LBH: variants seen among roughly 807,000 people sequenced by gnomAD.
LBH encodes protein LBH.
In LBH, 7 loss-of-function variants were observed where a neutral mutation model predicts 12.5. That is an observed-to-expected ratio of 0.56 (90% CI 0.32 to 1.05). LBH has a LOEUF of 1.05. Among genes scored for constraint, LBH ranks in the 50% least tolerant of loss-of-function variants. The probability of loss-of-function intolerance (pLI) is 0.04; values close to 1 mark genes in which losing one functional copy is unlikely to be tolerated. For synonymous variants in LBH, 51 were observed against 50.1 expected, an observed-to-expected ratio of 1.02 and a Z score of -0.08; for missense variants, 119 against 138.9, an observed-to-expected ratio of 0.86 and a Z score of 0.72.
chr2:30,256,033 A>G (rs559074407), intron 2 of LBH, among the ~76,000 whole-genome samples: 2 of 152,330 alleles, frequency 1.3e-5, no homozygotes, highest in Admixed American at 1.3e-4. Flanking sequence ...CTGGGAGCCC[A>G]GCATCCCAGA....
At chr2:30,238,352 C>G (rs1677725981) in intron 2 of LBH, among the ~76,000 whole-genome samples, 1 of 152,252 alleles carries the variant, frequency 6.6e-6, no homozygotes, top group South Asian at 2.1e-4. Context: ...CCTTCTAAAG[C>G]ACCTGGACCA....
chr2:30,251,880 G>A (rs1036429015), intron 2 of LBH, among the ~76,000 whole-genome samples: 17 of 152,196 alleles, frequency 1.1e-4, no homozygotes, highest in Admixed American at 2.6e-4. Context: ...AGCCCAGGGC[G>A]TTTGTTTGGC....
At chr2:30,243,804 C>T (rs1274867369) in intron 2 of LBH, among the ~76,000 whole-genome samples, 4 of 152,000 alleles carry the variant, frequency 2.6e-5, no homozygotes, top group African/African-American at 9.7e-5. Context: ...GCTGGGATTA[C>T]AGACGTGAGC....
Position 30,257,790 on chromosome 2 carries a change from CT to C in LBH, c.*182del, listed in dbSNP as rs113721073. 35,477 of 389,788 alleles carry C rather than the reference CT, an allele frequency of 0.091. No individual in the cohort carries two copies. The highest frequency in any genetic ancestry group is 0.15 in the South Asian group (3,722 of 24,386). 24.1% of individuals were successfully genotyped at this position (389,788 alleles called of 1,614,324 possible). A position where few individuals can be genotyped will look rare whatever the true frequency, so the allele number is the denominator to read the frequency against. On this transcript the variant is annotated 3_prime_UTR_variant, in exon 3 of 3. Coordinates refer to ENST00000395323, the MANE Select transcript of LBH (RefSeq NM_030915.4). The stretch of plus-strand genomic sequence containing the variant: ...AGTTGGTTTTCTTTTCTTTTCTTGC[CT>C]TTTTTTTTTTTTGAAATTTGCCGAG...
At chr2:30,257,316 G>T in intron 2 of LBH, 117 bp from the exon 3 acceptor site, 1 of 1,141,618 alleles carries the variant, frequency 8.8e-7, no homozygotes, top group Non-Finnish European at 1.3e-6. Context: ...CGAGTGCAAA[G>T]CACAGTCCCT....
intron 2 of LBH, among the ~76,000 whole-genome samples, chr2:30,248,731 T>C (rs1425533310): frequency 6.6e-5 from 10 of 152,196 alleles, no homozygotes; most frequent in African/African-American, 1.2e-4. Flanking sequence ...AAAAGTTCTC[T>C]AACATTCCAA....
intron 1 of LBH, chr2:30,233,246 T>G (rs536819213): frequency 6.6e-6 from 1 of 152,282 alleles, no homozygotes; most frequent in African/African-American, 2.4e-5. Flanking sequence ...GCCCTTAACC[T>G]AACTGTGAGG....
intron 2 of LBH, among the ~76,000 whole-genome samples, chr2:30,242,523 G>C (rs929704728): frequency 1.3e-5 from 2 of 152,104 alleles, no homozygotes; most frequent in African/African-American, 4.8e-5. Context: ...GATTACAGGC[G>C]TGAGCCACCA....
rs1678124262 is a variant in LBH, at chr2:30,258,435, G to A, written c.*814G>A. 1 of 152,306 alleles carries A rather than the reference G, an allele frequency of 6.6e-6. No homozygotes were observed. Among genetic ancestry groups the A allele is most frequent in the Admixed American group, 6.5e-5 (1 of 15,290 alleles). 9.4% of individuals were successfully genotyped at this position (152,306 alleles called of 1,614,324 possible). The stretch of plus-strand genomic sequence containing the variant: ...TGCTTCCCAGCACTTTTTAGGAGTA[G>A]TGAGAGCACTTCCTGCCCTTGTTGG... On this transcript the variant is annotated 3_prime_UTR_variant, in exon 3 of 3. Coordinates refer to ENST00000395323, the MANE Select transcript of LBH (RefSeq NM_030915.4).
At chr2:30,232,926 C>G (rs1316866930) in intron 1 of LBH, 1 of 152,378 alleles carries the variant, frequency 6.6e-6, no homozygotes, top group Non-Finnish European at 1.5e-5. Flanking sequence ...CTGCCCCCAT[C>G]CGTCCCAGCC....
At chr2:30,244,581 C>T (rs191740475) in intron 2 of LBH, among the ~76,000 whole-genome samples, 13 of 152,184 alleles carry the variant, frequency 8.5e-5, no homozygotes, top group Admixed American at 3.9e-4. Context: ...GAGAACCTGT[C>T]GCAATTCAAC....
chr2:30,256,715 G>A (rs896903695), intron 2 of LBH: 1 of 152,156 alleles, frequency 6.6e-6, no homozygotes, highest in Admixed American at 6.6e-5. Context: ...TTTACCATAT[G>A]AGAGGTTTCA....
chr2:30,232,335 C>T, intron 1 of LBH: 2 of 1,252,736 alleles, frequency 1.6e-6, no homozygotes, highest in Non-Finnish European at 2.1e-6. Flanking sequence ...CCCTCTCCAC[C>T]GCCCCTAAAA....
intron 2 of LBH, among the ~76,000 whole-genome samples, chr2:30,250,285 C>T (rs1021095135): frequency 2.2e-4 from 33 of 152,132 alleles, no homozygotes; most frequent in African/African-American, 7.2e-4. Flanking sequence ...TCTCCACCCC[C>T]GGCCTTCCTC....
intron 2 of LBH, among the ~76,000 whole-genome samples, chr2:30,241,897 T>C (rs1572378994): frequency 6.6e-6 from 1 of 152,236 alleles, no homozygotes. Flanking sequence ...AGATCACACG[T>C]TGCATTTTGC....
At chr2:30,236,098 C>G (rs762038194) in intron 2 of LBH, among the ~76,000 whole-genome samples, 1 of 152,180 alleles carries the variant, frequency 6.6e-6, no homozygotes, top group African/African-American at 2.4e-5. Context: ...GGTTCTCTTT[C>G]GGTTCTGGGT....
intron 2 of LBH, among the ~76,000 whole-genome samples, chr2:30,248,678 C>T (rs1437650843): frequency 1.3e-5 from 2 of 152,122 alleles, no homozygotes; most frequent in African/African-American, 2.4e-5. Flanking sequence ...TATTTGAAGT[C>T]ATCTGTGCCT....
chr2:30,257,561 G>C lies in LBH; in HGVS notation c.258G>C (p.Leu86=), dbSNP rs761594722. ...TCCGGTGGCCCCCTGAGGAGTTCCT[G>C]GTCCAGGAGGATGAGCAAGATAACT... ...GELRWPPEEF[L]VQEDEQDNCE... is the part of the protein sequence containing the mutation. The change falls in exon 3 of 3, where the codon CTG becomes CTC. Residue 86 remains leucine (L), a synonymous_variant. Coordinates refer to ENST00000395323, the MANE Select transcript of LBH (RefSeq NM_030915.4). The C allele has an allele frequency of 9.3e-6, 15 of 1,614,030 alleles. No homozygotes were observed. Among genetic ancestry groups the C allele is most frequent in the East Asian group, 6.7e-5 (3 of 44,892 alleles).
intron 2 of LBH, among the ~76,000 whole-genome samples, chr2:30,252,519 G>A (rs534098407): frequency 1.3e-4 from 20 of 152,226 alleles, no homozygotes; most frequent in Middle Eastern, 3.4e-3. Flanking sequence ...AAAATTAGCC[G>A]GGCGTGGTGG....
Sources: allele counts gnomAD v4.1 joint callset (sites outside exome capture counted in the v4.1 genomes callset), GRCh38; gene constraint gnomAD v4.1.1; transcripts MANE v1.5; gene names NCBI Gene and HGNC (gene_info 2026-07-23, HGNC 2026-07-21).